The following TSPAN4 variants were observed in gnomAD, a reference collection of about 807,000 sequenced individuals.
TSPAN4 encodes the protein tetraspanin-4.
A neutral mutation model predicts 31.5 loss-of-function variants in TSPAN4; 38 were observed. The ratio of observed to expected loss-of-function variants is 1.21; its 90% CI spans 0.93 to 1.58. The LOEUF (loss-of-function observed/expected upper bound fraction) is 1.58, where lower values mean the gene tolerates loss of function less well. Ranked by LOEUF, TSPAN4 falls within the 40% of genes most tolerant of loss-of-function variation. TSPAN4 has a pLI of 0.00. For missense variants in TSPAN4, 330 were observed against 317.3 expected (o/e 1.04, Z -0.30); for synonymous variants, 186 against 144.6 (o/e 1.29, Z -2.06).
Position 865,992 on chromosome 11 carries a change from G to C in TSPAN4, c.639G>C (p.Ala213=), listed in dbSNP as rs149058796. Residue 213 remains alanine, a synonymous_variant, in exon 8 of 9, where the codon GCG becomes GCC. Coordinates refer to ENST00000397397, the MANE Select transcript of TSPAN4 (RefSeq NM_003271.5). ...TGGGCATCTTTGGGCTGTGCACGGC[G>C]CTGGTGCAGGTATGGCCTGGGGGCC... ...LAVGIFGLCT[A]LVQILGLTFA... 6 of 1,611,982 alleles carry C rather than the reference G, an allele frequency of 3.7e-6. No homozygotes were observed. The highest frequency in any genetic ancestry group is 1.3e-5 in the African/African-American group (1 of 75,012).
intron 3 of TSPAN4, among the ~76,000 whole-genome samples, chr11:860,949 C>T (rs1001029418): frequency 4.6e-5 from 7 of 152,330 alleles, no homozygotes; most frequent in South Asian, 4.1e-4. Context: ...TGGGCACCCA[C>T]GCTGCAGACC....
At chr11:856,220 C>T (rs993195480) in intron 3 of TSPAN4, among the ~76,000 whole-genome samples, 1 of 152,212 alleles carries the variant, frequency 6.6e-6, no homozygotes, top group East Asian at 1.9e-4. Context: ...GCCCTCCAAG[C>T]CTTTTGGGCT....
Position 866,594 on chromosome 11 carries a change from C to T in TSPAN4, c.681C>T (p.Tyr227=), listed in dbSNP as rs202021523. 285 of 1,613,402 alleles carry T rather than the reference C, an allele frequency of 1.8e-4. No homozygotes were observed. The highest frequency in any genetic ancestry group is 2.3e-4 in the Non-Finnish European group (273 of 1,179,854). ...ILGLTFAMTM[Y]CQVVKADTYC... ...GCCTGACCTTCGCCATGACCATGTACTGCCAAGTGGTCAAGGCAGACACCT... is the reference window on the plus strand; with the variant it reads ...GCCTGACCTTCGCCATGACCATGTATTGCCAAGTGGTCAAGGCAGACACCT... Residue 227 remains tyrosine, a synonymous_variant, in exon 9 of 9, where the codon TAC becomes TAT. Transcript: ENST00000397397.
chr11:845,343 C>T (rs973367107), intron 1 of TSPAN4, among the ~76,000 whole-genome samples: 7 of 151,948 alleles, frequency 4.6e-5, no homozygotes, highest in Non-Finnish European at 1.0e-4. Flanking sequence ...TCTCTACGGT[C>T]CTGGGAGACT....
At chr11:846,384 A>T (rs1847325659) in intron 1 of TSPAN4, among the ~76,000 whole-genome samples, 1 of 152,146 alleles carries the variant, frequency 6.6e-6, no homozygotes, top group African/African-American at 2.4e-5. Context: ...AGAGCTCTGG[A>T]TGTCTCTTTT....
At chr11:858,591 C>T (rs1466914260) in intron 3 of TSPAN4, 1 of 166,906 alleles carries the variant, frequency 6.0e-6, no homozygotes, top group Non-Finnish European at 1.3e-5. Flanking sequence ...CACACGCACC[C>T]CTGCTCACAC....
rs1565152105 is a variant in TSPAN4, at chr11:866,917, C to T, written c.*287C>T. The T allele has an allele frequency of 2.8e-6, 1 of 363,268 alleles. No homozygotes were observed. The highest frequency in any genetic ancestry group is 5.0e-6 in the Non-Finnish European group (1 of 198,910). The allele number at this position is 363,268 out of a possible 1,614,324, so 22.5% of individuals were successfully genotyped here. ...TTTTATATTTACGTATTCTCCAAAG[C>T]AGTGTTCACACGGGAGCCAGCCTGT... On this transcript the variant is annotated 3_prime_UTR_variant, in exon 9 of 9. Transcript: ENST00000397397.
intron 4 of TSPAN4, chr11:863,202 G>A (rs533296745): frequency 8.9e-5 from 14 of 157,920 alleles, no homozygotes; most frequent in African/African-American, 2.4e-4. Flanking sequence ...CCCCCACCTC[G>A]CCTCGGGGAT....
chr11:848,994 G>T lies in TSPAN4; in HGVS notation c.-17-1294G>T. 1.6e-6 allele frequency: 1 copy of T among 622,126 alleles called. No individual in the cohort carries two copies. The highest frequency in any genetic ancestry group is 1.9e-5 in the African/African-American group (1 of 53,434). 38.5% of individuals were successfully genotyped at this position (622,126 alleles called of 1,614,324 possible). ...TTTTACAGGCTGACTTCCAGCCTGGGCTGGAGCAAAATGAAATTCTGGGCC... is the reference window on the plus strand; with the variant it reads ...TTTTACAGGCTGACTTCCAGCCTGGTCTGGAGCAAAATGAAATTCTGGGCC... On this transcript the variant is annotated intron_variant, in intron 2 of 8. Coordinates refer to ENST00000397397, the MANE Select transcript of TSPAN4 (RefSeq NM_003271.5). The surrounding 1 kb of genome is among the most constrained non-coding windows in gnomAD (Gnocchi z 5.7).
intron 1 of TSPAN4, 70 bp downstream of exon 1, chr11:842,985 G>GCTGGAGCCGGACT (rs1378355357): frequency 2.0e-5 from 3 of 152,494 alleles, no homozygotes; most frequent in Non-Finnish European, 4.4e-5. Flanking sequence ...ACCGGGAGCG[G>GCTGGAGCCGGACT]CTGGAGCCGG....
chr11:862,017 C>T (rs1740586420), intron 3 of TSPAN4, among the ~76,000 whole-genome samples: 1 of 152,212 alleles, frequency 6.6e-6, no homozygotes, highest in African/African-American at 2.4e-5. Context: ...CAGCTGGGGA[C>T]ATCACAGAGA....
chr11:862,952 G>C, intron 4 of TSPAN4: 1 of 583,098 alleles, frequency 1.7e-6, no homozygotes. Flanking sequence ...AGAGCGGTGT[G>C]GGGGTCACTC....
intron 3 of TSPAN4, among the ~76,000 whole-genome samples, chr11:855,116 A>G (rs28666948): frequency 0.99 from 151,069 of 152,186 alleles, 74,991 homozygotes; most frequent in Middle Eastern, 1. Flanking sequence ...TTGTCCACCC[A>G]GTGACACAGG....
At chr11:844,980 C>T (rs1465541746) in intron 1 of TSPAN4, among the ~76,000 whole-genome samples, 2 of 152,280 alleles carry the variant, frequency 1.3e-5, no homozygotes, top group African/African-American at 4.8e-5. Flanking sequence ...ACGGGCTGAG[C>T]CCTGGCTGGG....
chr11:851,321 T>G (rs891389469), intron 3 of TSPAN4, among the ~76,000 whole-genome samples: 25 of 152,142 alleles, frequency 1.6e-4, no homozygotes, highest in African/African-American at 5.8e-4. Context: ...TGTGCCCTAT[T>G]CTTAATTCCT....
chr11:856,713 C>T (rs1302692177), intron 3 of TSPAN4, among the ~76,000 whole-genome samples: 1 of 152,248 alleles, frequency 6.6e-6, no homozygotes, highest in African/African-American at 2.4e-5. Flanking sequence ...AGCTGCTCCC[C>T]ATCTGGCTGC....
chr11:845,388 G>A (rs1449738208), intron 1 of TSPAN4, among the ~76,000 whole-genome samples: 4 of 152,222 alleles, frequency 2.6e-5, no homozygotes, highest in African/African-American at 9.7e-5. Context: ...AGATGGGGCC[G>A]GGTCCTCTCT....
At chr11:864,392 C>T (rs1318277823) in intron 4 of TSPAN4, 45 bp from the exon 5 acceptor site, 3 of 1,605,888 alleles carry the variant, frequency 1.9e-6, no homozygotes, top group Non-Finnish European at 2.5e-6. Flanking sequence ...GGGGCGGAGG[C>T]TGTGCGGCCT....
intron 1 of TSPAN4, among the ~76,000 whole-genome samples, chr11:844,935 C>A (rs537857370): frequency 2.0e-5 from 3 of 152,146 alleles, no homozygotes; most frequent in African/African-American, 7.2e-5. Context: ...TGGAAACAGG[C>A]CAGCCACGGG....
Sources: gnomAD v4.1 joint callset for allele counts (sites outside exome capture counted in the v4.1 genomes callset) on GRCh38, gnomAD v4.1.1 for gene constraint, Gnocchi (gnomAD v3.1) non-coding constraint, MANE v1.5 for transcripts, NCBI Gene and HGNC (gene_info 2026-07-23, HGNC 2026-07-21) for gene names.